Variants in OTUD4 observed in about 807,000 individuals in gnomAD.
OTUD4 encodes the protein OTU domain-containing protein 4.
In OTUD4, 24 loss-of-function variants were observed where a neutral mutation model predicts 130.4. The ratio of observed to expected loss-of-function variants is 0.18; its 90% CI spans 0.13 to 0.26. The LOEUF (loss-of-function observed/expected upper bound fraction) is 0.26. Among genes scored for constraint, OTUD4 ranks in the 10% least tolerant of loss-of-function variants. OTUD4 has a pLI of 1.00. For synonymous variants in OTUD4, 420 were observed against 472.5 expected, an observed-to-expected ratio of 0.89 and a Z score of 1.44; for missense variants, 1,031 against 1,329.4, an observed-to-expected ratio of 0.78 and a Z score of 3.49.
chr4:145,165,217 G>A lies in OTUD4; in HGVS notation c.295-20C>T, dbSNP rs370796309. 30 of 1,593,474 alleles carry A rather than the reference G, an allele frequency of 1.9e-5. No individual in the cohort carries two copies. The African/African-American group carries it at 2.8e-4, about 15-fold the overall frequency. ...CCATTCCTGTATTGAAGAAAAAAAG[G>A]TGGCATGTAAGTGTCTCACACTTTT... is the stretch of plus-strand genomic sequence containing the variant. On this transcript the variant is annotated intron_variant, in intron 3 of 20. Coordinates refer to ENST00000447906, the MANE Select transcript of OTUD4 (RefSeq NM_001366057.1).
Position 145,138,234 on chromosome 4 carries a change from G to A in OTUD4, c.2541C>T (p.Phe847=), listed in dbSNP as rs748690534. 3 of 1,613,872 alleles carry A rather than the reference G, an allele frequency of 1.9e-6. No individual in the cohort carries two copies. The South Asian group carries it at 3.3e-5, about 18-fold the overall frequency. The part of the protein sequence containing the change: ...FPQPSFGPNP[F]LGPVPIAPPF... ...GAGGTGCAATAGGAACTGGGCCTAA[G>A]AATGGATTGGGTCCAAAAGATGGCT... Residue 847 remains phenylalanine (F), a synonymous_variant, in exon 21 of 21, where the codon TTC becomes TTT. Transcript: ENST00000447906.
chr4:145,137,681 T>C lies in OTUD4; in HGVS notation c.3094A>G (p.Asn1032Asp). 2 of 1,614,010 alleles carry C rather than the reference T, an allele frequency of 1.2e-6. No individual in the cohort carries two copies. The highest frequency in any genetic ancestry group is 1.7e-6 in the Non-Finnish European group (2 of 1,179,996). ...ESSEDENEVS[N>D]ILRSGRSKQF... is the part of the protein sequence containing the mutation. ...TTGGATCTACCACTTCTCAAAATAT[T>C]AGACACTTCATTTTCATCTTCTGAA... Residue 1032 changes from asparagine (N) to aspartate (D), a missense_variant, in exon 21 of 21, where the codon AAT (asparagine) becomes GAT (aspartate). Asn to Asp is a conservative substitution (Grantham distance 23, BLOSUM62 1). This residue lies in a region of OTUD4 where 900 missense variants were observed against 1,095.9 expected (regional missense o/e 0.82). Transcript: ENST00000447906.
chr4:145,160,217 T>TTGGA (rs891960315), intron 6 of OTUD4, among the ~76,000 whole-genome samples: 1 of 152,170 alleles, frequency 6.6e-6, no homozygotes, highest in African/African-American at 2.4e-5. Flanking sequence ...AATTGTAACC[T>TTGGA]TGGACGAGCA....
chr4:145,142,473 G>T, intron 17 of OTUD4, 139 bp from the exon 18 acceptor site: 1 of 690,382 alleles, frequency 1.4e-6, no homozygotes, highest in Non-Finnish European at 2.4e-6. Context: ...TATAGTCTTA[G>T]AAATGTAAGA....
At chr4:145,169,094 T>C (rs758885232) in intron 3 of OTUD4, among the ~76,000 whole-genome samples, 11 of 152,182 alleles carry the variant, frequency 7.2e-5, no homozygotes, top group Non-Finnish European at 1.5e-4. Flanking sequence ...ACAGCAAAAC[T>C]TAGAAAGCAA....
chr4:145,174,424 G>A (rs1411264090), intron 2 of OTUD4, among the ~76,000 whole-genome samples: 2 of 152,112 alleles, frequency 1.3e-5, no homozygotes, highest in East Asian at 1.9e-4. Context: ...ACAGCTCAGC[G>A]TCTTATCCAT....
chr4:145,144,454 C>T lies in OTUD4; in HGVS notation c.1423-20G>A, dbSNP rs1002651353. ...TGAGCTCTTTAAAATGAACAAAACC[C>T]AACATTTTGTGTTAAAGATTTACCC... On this transcript the variant is annotated intron_variant, in intron 14 of 20. Coordinates refer to ENST00000447906, the MANE Select transcript of OTUD4 (RefSeq NM_001366057.1). The T allele has an allele frequency of 6.2e-7, 1 of 1,602,134 alleles. No homozygotes were observed. The highest frequency in any genetic ancestry group is 8.5e-7 in the Non-Finnish European group (1 of 1,175,126).
chr4:145,173,741 C>G (rs1752289722), intron 2 of OTUD4, among the ~76,000 whole-genome samples: 1 of 152,102 alleles, frequency 6.6e-6, no homozygotes, highest in African/African-American at 2.4e-5. Context: ...GGTCTTAAAA[C>G]CAGTAAGTAA....
chr4:145,143,502 AT>A (rs2126745482), intron 16 of OTUD4, 57 bp from the exon 17 acceptor site: 1 of 990,280 alleles, frequency 1.0e-6, no homozygotes, highest in East Asian at 2.4e-5. Flanking sequence ...ATTCTGGAAT[AT>A]TGATGGTTTC....
At chr4:145,163,370 T>C (rs909173228) in intron 5 of OTUD4, among the ~76,000 whole-genome samples, 25 of 152,332 alleles carry the variant, frequency 1.6e-4, no homozygotes, top group African/African-American at 4.8e-4. Flanking sequence ...AATAAGTCAG[T>C]TGATCTTTCT....
At chr4:145,171,849 T>C in intron 2 of OTUD4, 129 bp from the exon 3 acceptor site, 3 of 641,150 alleles carry the variant, frequency 4.7e-6, no homozygotes, top group Non-Finnish European at 8.4e-6. Context: ...CAGTATTATT[T>C]AAAAATATGT....
At chr4:145,158,961 T>C (rs1376414736) in intron 7 of OTUD4, among the ~76,000 whole-genome samples, 2 of 152,204 alleles carry the variant, frequency 1.3e-5, no homozygotes, top group African/African-American at 4.8e-5. Flanking sequence ...TTAAACACTA[T>C]CTTGTACGTC....
intron 16 of OTUD4, among the ~76,000 whole-genome samples, 174 bp downstream of exon 16, chr4:145,143,772 T>G: frequency 6.6e-6 from 1 of 152,216 alleles, no homozygotes. Context: ...TTGAAGAAAC[T>G]GTCATAATTT....
chr4:145,141,602 C>G lies in OTUD4; in HGVS notation c.1860G>C (p.Gln620His). Residue 620 changes from glutamine (Q) to histidine (H), a missense_variant, in exon 19 of 21, where the codon CAG (glutamine) becomes CAC (histidine). By Grantham distance (24) the Gln-to-His change is conservative. Transcript: ENST00000447906. ...CTGAATCAGGTCCAGTGGTCAAAGT[C>G]TGTGTCACTGACAAAACGGGAATTG... ...PAPIPVLSVT[Q>H]TLTTGPDSAV... The G allele has an allele frequency of 6.4e-7, 1 of 1,564,816 alleles. No individual in the cohort carries two copies. Among genetic ancestry groups the G allele is most frequent in the Non-Finnish European group, 8.7e-7 (1 of 1,155,146 alleles).
intron 2 of OTUD4, among the ~76,000 whole-genome samples, chr4:145,174,175 A>G (rs1164698593): frequency 6.6e-6 from 1 of 152,126 alleles, no homozygotes; most frequent in Non-Finnish European, 1.5e-5. Context: ...CACTACTTTT[A>G]GTAGACACAG....
intron 7 of OTUD4, 183 bp downstream of exon 7, chr4:145,159,320 C>CAAAACAAAACAAACAAAACAAAA: frequency 7.1e-7 from 1 of 1,415,422 alleles, no homozygotes; most frequent in Non-Finnish European, 9.2e-7. Context: ...ACAAACAGTC[C>CAAAACAAAACAAACAAAACAAAA]CATAATAGAA....
rs1750163934 is a variant in OTUD4, at chr4:145,134,891, GTT to G, written c.*2537_*2538del. ...ATATGTATGATCATAATATGGTGAA[GTT>G]TCATAATTTCCAACTCAAAAATACA... On this transcript the variant is annotated 3_prime_UTR_variant, in exon 21 of 21. Coordinates refer to ENST00000447906, the MANE Select transcript of OTUD4 (RefSeq NM_001366057.1). 2.5e-6 allele frequency: 1 copy of G among 398,770 alleles called. No homozygotes were observed. Among genetic ancestry groups the G allele is most frequent in the African/African-American group, 2.1e-5 (1 of 48,614 alleles). 24.7% of individuals were successfully genotyped at this position (398,770 alleles called of 1,614,324 possible). A position where few individuals can be genotyped will look rare whatever the true frequency, so the allele number is the denominator to read the frequency against.
chr4:145,147,527 T>G (rs1358036664), intron 13 of OTUD4, among the ~76,000 whole-genome samples: 5 of 152,192 alleles, frequency 3.3e-5, no homozygotes, highest in Admixed American at 1.3e-4. Context: ...TGACCACTAC[T>G]ATATGGCCTT....
intron 8 of OTUD4, 92 bp from the exon 9 acceptor site, chr4:145,155,778 AG>A (rs1447077690): frequency 8.6e-6 from 9 of 1,046,598 alleles, no homozygotes; most frequent in Non-Finnish European, 1.1e-5. Flanking sequence ...AATGAAGAAA[AG>A]AAACTTCAAA....
Sources: gnomAD v4.1 joint callset for allele counts (sites outside exome capture counted in the v4.1 genomes callset) on GRCh38, gnomAD v4.1.1 for gene constraint, gnomAD v4.1.1 regional missense constraint, MANE v1.5 for transcripts, NCBI Gene and HGNC (gene_info 2026-07-23, HGNC 2026-07-21) for gene names.